DPP6: variants seen among roughly 807,000 people sequenced by gnomAD.
The protein encoded by DPP6 is A-type potassium channel modulatory protein DPP6.
A neutral mutation model predicts 122.6 loss-of-function variants in DPP6; 69 were observed. The ratio of observed to expected loss-of-function variants is 0.56; its 90% confidence interval spans 0.46 to 0.69. The LOEUF (loss-of-function observed/expected upper bound fraction) is 0.69, where lower values mean the gene tolerates loss of function less well. Ranked by LOEUF, DPP6 falls within the 30% of genes least tolerant of loss-of-function variation. The pLI, the probability that DPP6 is intolerant of heterozygous loss-of-function variation, is 0.00. For missense variants in DPP6, 928 were observed against 1,116.9 expected (o/e 0.83, Z 2.41); for synonymous variants, 418 against 433.1 (o/e 0.97, Z 0.43).
chr7:154,121,741 A>G (rs1807484902), intron 1 of DPP6, among the ~76,000 whole-genome samples: 1 of 152,226 alleles, frequency 6.6e-6, no homozygotes, highest in South Asian at 2.1e-4. Context: ...CTGGGGGGAC[A>G]TGTGTATTCT....
At chr7:153,815,119 C>A in the DPP6 span, among the ~76,000 whole-genome samples, 2 of 152,128 alleles carry the variant, frequency 1.3e-5, no homozygotes, top group African/African-American at 4.8e-5. Context: ...GGCAATTAGG[C>A]AGGAGAAGGA....
At chr7:154,856,088 A>G (rs1181429608) in intron 17 of DPP6, among the ~76,000 whole-genome samples, 1 of 152,196 alleles carries the variant, frequency 6.6e-6, no homozygotes, top group East Asian at 1.9e-4. Context: ...CTTCCTAGGA[A>G]TCTATAATTA....
At chr7:154,881,501 C>G (rs1343269621) in intron 21 of DPP6, among the ~76,000 whole-genome samples, 1 of 152,172 alleles carries the variant, frequency 6.6e-6, no homozygotes, top group Non-Finnish European at 1.5e-5. Flanking sequence ...TGGTACATGG[C>G]CCCTCATTCT....
chr7:154,560,093 A>G (rs1422790525), intron 4 of DPP6, among the ~76,000 whole-genome samples: 1 of 151,840 alleles, frequency 6.6e-6, no homozygotes, highest in Non-Finnish European at 1.5e-5. Flanking sequence ...AGTAAGAAAA[A>G]TTACACCAGA....
At chr7:154,162,361 A>G (rs916718537) in intron 1 of DPP6, among the ~76,000 whole-genome samples, 2 of 152,242 alleles carry the variant, frequency 1.3e-5, no homozygotes, top group Admixed American at 1.3e-4. Flanking sequence ...TTTGGTTCTT[A>G]TGAAGTGAAT....
chr7:153,958,434 A>C (rs538405635), intron 1 of DPP6, among the ~76,000 whole-genome samples: 1 of 152,194 alleles, frequency 6.6e-6, no homozygotes, highest in East Asian at 2.0e-4. Flanking sequence ...TCTTGGGCAG[A>C]GCTCAGTCAC....
Position 154,419,278 on chromosome 7 carries a change from A to G in DPP6, c.244-26936A>G, listed in dbSNP as rs145504506. On this transcript the variant is annotated intron_variant, in intron 1 of 25. Transcript: ENST00000377770. ...GCTCATTATTCGTGTGAAAGTGATC[A>G]TACATTGGTATTAAATGAAGAGTAG... is the stretch of plus-strand genomic sequence containing the variant. 3.4e-3 allele frequency among the ~76,000 whole-genome samples: 518 copies of G among 152,338 alleles called. 4 individuals carry two copies. Among genetic ancestry groups the G allele is most frequent in the African/African-American group, 0.011 (478 of 41,584 alleles).
chr7:154,680,534 C>T (rs1170814334), intron 7 of DPP6, among the ~76,000 whole-genome samples: 1 of 152,082 alleles, frequency 6.6e-6, no homozygotes, highest in Non-Finnish European at 1.5e-5. Context: ...ATCTATCAAA[C>T]AATAGCAGGA....
rs550200250 is a variant in DPP6 at position 154,058,828 on chromosome 7, C to T, written c.243+5765C>T. On this transcript the variant is annotated intron_variant, in intron 1 of 25. Transcript: ENST00000377770. ...ACGACAGTGGGGACTGAGAGCTATC[C>T]CCTCTTCCGCCCCTGGCTGTTAGTA... 3 of 150,036 alleles carry T rather than the reference C, an allele frequency of 2.0e-5. No homozygotes were observed. The South Asian group carries it at 6.4e-4, about 32-fold the overall frequency. 9.3% of individuals were successfully genotyped at this position (150,036 alleles called of 1,614,324 possible). A position where few individuals can be genotyped will look rare whatever the true frequency, so the allele number is the denominator to read the frequency against.
intron 1 of DPP6, among the ~76,000 whole-genome samples, chr7:154,380,771 G>T (rs1813527281): frequency 1.3e-5 from 2 of 152,214 alleles, no homozygotes; most frequent in South Asian, 4.1e-4. Context: ...TTGGTGAGAA[G>T]TGGGAGACTG....
At chr7:153,973,004 T>C (rs1192784381) in intron 1 of DPP6, among the ~76,000 whole-genome samples, 1 of 151,958 alleles carries the variant, frequency 6.6e-6, no homozygotes, top group African/African-American at 2.4e-5. Flanking sequence ...GATGTAACGG[T>C]GCCTTTAGAA....
chr7:153,914,019 G>C (rs1216793520), intron 1 of DPP6, among the ~76,000 whole-genome samples: 1 of 152,160 alleles, frequency 6.6e-6, no homozygotes, highest in Admixed American at 6.5e-5. Context: ...GGTGATAACG[G>C]TTTGGCTGTA....
chr7:154,772,398 G>A (rs1254550409), intron 9 of DPP6, among the ~76,000 whole-genome samples: 2 of 152,134 alleles, frequency 1.3e-5, no homozygotes, highest in African/African-American at 4.8e-5. Flanking sequence ...GGGGAACAGG[G>A]AAGCAGAATA....
intron 1 of DPP6, among the ~76,000 whole-genome samples, chr7:154,265,042 GATA>G (rs141013791): frequency 0.24 from 295 of 1,248 alleles, 65 homozygotes; most frequent in African/African-American, 0.35. Flanking sequence ...TGGTGATGGT[GATA>G]ATGATGGTGA....
chr7:154,782,714 C>G (rs1470122201), intron 10 of DPP6, among the ~76,000 whole-genome samples: 1 of 152,104 alleles, frequency 6.6e-6, no homozygotes, highest in Non-Finnish European at 1.5e-5. Context: ...AAGTGCTTGT[C>G]CCCACCCCCA....
At chr7:154,125,472 T>C (rs978452365) in intron 1 of DPP6, among the ~76,000 whole-genome samples, 3 of 152,176 alleles carry the variant, frequency 2.0e-5, no homozygotes, top group Non-Finnish European at 4.4e-5. Flanking sequence ...GTAAGGATCC[T>C]AACATGACCA....
chr7:154,094,610 G>A (rs1805188648), intron 1 of DPP6: 1 of 152,214 alleles, frequency 6.6e-6, no homozygotes, highest in Admixed American at 6.5e-5. Context: ...GAAGGAGTGT[G>A]GAGTGGCAGA....
chr7:153,895,833 G>A (rs1799392443), intron 1 of DPP6, among the ~76,000 whole-genome samples: 1 of 152,186 alleles, frequency 6.6e-6, no homozygotes, highest in Non-Finnish European at 1.5e-5. Flanking sequence ...TGTTGGATAA[G>A]AGCTCCTGTG....
chr7:153,835,418 G>A, the DPP6 span, among the ~76,000 whole-genome samples: 1 of 151,594 alleles, frequency 6.6e-6, no homozygotes, highest in African/African-American at 2.4e-5. Context: ...AAGGATCTGT[G>A]TATTTTTCGT....
Sources: gnomAD v4.1 joint callset for allele counts (sites outside exome capture counted in the v4.1 genomes callset) on GRCh38, gnomAD v4.1.1 for gene constraint, MANE v1.5 for transcripts, NCBI Gene and HGNC (gene_info 2026-07-23, HGNC 2026-07-21) for gene names.